The following SGIP1 variants were observed in gnomAD, a reference collection of about 807,000 sequenced individuals.
SGIP1 encodes SH3-containing GRB2-like protein 3-interacting protein 1.
In SGIP1, 38 loss-of-function variants were observed where a neutral mutation model predicts 107.5. The ratio of observed to expected loss-of-function variants is 0.35; its 90% CI spans 0.27 to 0.46. The LOEUF (loss-of-function observed/expected upper bound fraction) is 0.46, where lower values mean the gene tolerates loss of function less well. Among genes scored for constraint, SGIP1 ranks in the 20% least tolerant of loss-of-function variants. The pLI is 1.00. For synonymous variants in SGIP1, 365 were observed against 366.1 expected, an observed-to-expected ratio of 1.00 and a Z score of 0.03; for missense variants, 929 against 1,019.5, an observed-to-expected ratio of 0.91 and a Z score of 1.21.
intron 15 of SGIP1, among the ~76,000 whole-genome samples, chr1:66,688,124 G>C (rs560757421): frequency 1.3e-5 from 2 of 152,156 alleles, no homozygotes; most frequent in East Asian, 3.9e-4. Flanking sequence ...GGCAGGTGTG[G>C]GGGATGAAGT....
intron 1 of SGIP1, among the ~76,000 whole-genome samples, chr1:66,571,780 T>A (rs1230040143): frequency 1.3e-5 from 2 of 151,990 alleles, no homozygotes; most frequent in Non-Finnish European, 2.9e-5. Context: ...GATTCTTCCT[T>A]GCTTAACATT....
intron 1 of SGIP1, among the ~76,000 whole-genome samples, chr1:66,549,497 G>C (rs2057061952): frequency 6.6e-6 from 1 of 152,154 alleles, no homozygotes; most frequent in Admixed American, 6.6e-5. Context: ...ACCTGGTAAG[G>C]TGAGAGTAAG....
At chr1:66,536,048 A>G (rs1557805263) in intron 1 of SGIP1, among the ~76,000 whole-genome samples, 1 of 152,230 alleles carries the variant, frequency 6.6e-6, no homozygotes, top group Non-Finnish European at 1.5e-5. Flanking sequence ...TTTGATGCTC[A>G]TGAATGATTC....
intron 1 of SGIP1, among the ~76,000 whole-genome samples, chr1:66,537,004 A>T (rs1485368433): frequency 6.6e-6 from 1 of 152,162 alleles, no homozygotes; most frequent in Non-Finnish European, 1.5e-5. Context: ...GTGGAACAGG[A>T]TATAGGCTCC....
rs1364832227 is a variant in SGIP1, at chr1:66,660,437, A to T, written c.460-76A>T. On this transcript the variant is annotated intron_variant, in intron 7 of 24. Coordinates refer to ENST00000371037, the MANE Select transcript of SGIP1 (RefSeq NM_032291.4). ...TTAAGTAAGGTTATCCTGAACCTTG[A>T]CCTGTTTCTTCTTGAAAATACATTT... 7 of 1,386,480 alleles carry T rather than the reference A, an allele frequency of 5.0e-6. No individual in the cohort carries two copies. The East Asian group carries it at 1.4e-4, about 27-fold the overall frequency. 85.9% of individuals were successfully genotyped at this position (1,386,480 alleles called of 1,614,324 possible).
intron 21 of SGIP1, among the ~76,000 whole-genome samples, chr1:66,735,139 C>T (rs1331541588): frequency 2.0e-5 from 3 of 152,130 alleles, no homozygotes; most frequent in African/African-American, 7.2e-5. Flanking sequence ...CTACCTCAGC[C>T]TCTGGTAACC....
chr1:66,619,687 T>C (rs2070429584), intron 1 of SGIP1, among the ~76,000 whole-genome samples: 1 of 152,190 alleles, frequency 6.6e-6, no homozygotes. Context: ...TTGGCAGGAC[T>C]CTCCACTTAC....
intron 8 of SGIP1, among the ~76,000 whole-genome samples, chr1:66,663,514 G>A (rs754326517): frequency 3.3e-5 from 5 of 152,036 alleles, no homozygotes; most frequent in South Asian, 2.1e-4. Context: ...TTTGCTCTTC[G>A]GTGGTGGTAA....
chr1:66,707,722 GA>G (rs1480954073), intron 18 of SGIP1, among the ~76,000 whole-genome samples: 1 of 152,136 alleles, frequency 6.6e-6, no homozygotes, highest in African/African-American at 2.4e-5. Context: ...TTTTCCAAGA[GA>G]GTTGATGAGT....
chr1:66,661,171 T>A (rs2081392485), intron 8 of SGIP1, among the ~76,000 whole-genome samples: 1 of 152,180 alleles, frequency 6.6e-6, no homozygotes. Context: ...GAGGAACAGA[T>A]TTCAAAAAAT....
In SGIP1 at chr1:66,748,969, A is replaced by C. The variant is rs1410520607; in HGVS notation, c.*5874A>C. 6.6e-6 allele frequency among the ~76,000 whole-genome samples: 1 copy of C among 151,966 alleles called. No homozygotes were observed. Among genetic ancestry groups the C allele is most frequent in the Non-Finnish European group, 1.5e-5 (1 of 67,858 alleles). Reference sequence around the variant, plus strand: ...TTAACACTAGTTTATATATCCTTCAATAATTGTAAATAAAATAACCAGGAA... The same window carrying C: ...TTAACACTAGTTTATATATCCTTCACTAATTGTAAATAAAATAACCAGGAA... On this transcript the variant is annotated 3_prime_UTR_variant, in exon 25 of 25. Coordinates refer to ENST00000371037, the MANE Select transcript of SGIP1 (RefSeq NM_032291.4).
At chr1:66,635,242 A>G (rs2075550738) in intron 3 of SGIP1, among the ~76,000 whole-genome samples, 1 of 152,234 alleles carries the variant, frequency 6.6e-6, no homozygotes, top group African/African-American at 2.4e-5. Context: ...GCATGCATGA[A>G]GGTGGGCCTT....
chr1:66,658,555 A>G (rs2080246002), intron 7 of SGIP1, among the ~76,000 whole-genome samples: 1 of 152,214 alleles, frequency 6.6e-6, no homozygotes, highest in Non-Finnish European at 1.5e-5. Flanking sequence ...TGTGCTTCAA[A>G]CATTTGTATA....
intron 1 of SGIP1, among the ~76,000 whole-genome samples, chr1:66,571,248 GTT>G (rs2060337848): frequency 6.6e-6 from 1 of 151,942 alleles, no homozygotes; most frequent in African/African-American, 2.4e-5. Flanking sequence ...ATTACATCAG[GTT>G]TCTCCAGTAA....
chr1:66,549,137 G>GCCTGCCTTCCTGCCTTCCTT (rs1051893057), intron 1 of SGIP1, among the ~76,000 whole-genome samples: 118 of 144,512 alleles, frequency 8.2e-4, no homozygotes, highest in African/African-American at 2.7e-3. Context: ...CTGGCTACCT[G>GCCTGCCTTCCTGCCTTCCTT]CCTTCCTTCC....
rs1232749439 is a variant in SGIP1 at position 66,748,229 on chromosome 1, G to A, written c.*5134G>A. On this transcript the variant is annotated 3_prime_UTR_variant, in exon 25 of 25. Transcript: ENST00000371037. ...CCATTAATGTTCCTTTTTGTCAGTGGAGTGTATGGAAGGAAAATGAGATAG... is the reference window on the plus strand; with the variant it reads ...CCATTAATGTTCCTTTTTGTCAGTGAAGTGTATGGAAGGAAAATGAGATAG... 2 of 151,876 alleles carry A rather than the reference G, an allele frequency of 1.3e-5. No homozygotes were observed. The highest frequency in any genetic ancestry group is 1.5e-5 in the Non-Finnish European group (1 of 67,844). 9.4% of individuals were successfully genotyped at this position (151,876 alleles called of 1,614,324 possible).
intron 2 of SGIP1, among the ~76,000 whole-genome samples, chr1:66,630,872 A>AG (rs2074261344): frequency 1.8e-5 from 1 of 57,046 alleles, no homozygotes; most frequent in South Asian, 1.4e-3. Flanking sequence ...AGAAAGAAAG[A>AG]AAGAAAGAAA....
At chr1:66,692,317 T>TA (rs954339262) in intron 17 of SGIP1, among the ~76,000 whole-genome samples, 58 of 149,352 alleles carry the variant, frequency 3.9e-4, no homozygotes, top group African/African-American at 1.0e-3. Context: ...AGAGTGGGAT[T>TA]AAAAAAAAAA....
intron 17 of SGIP1, among the ~76,000 whole-genome samples, chr1:66,691,330 G>A (rs2150111454): frequency 6.6e-6 from 1 of 152,286 alleles, no homozygotes. Context: ...CTCTTCTGGA[G>A]AAAGAACTGC....
Sources: allele counts gnomAD v4.1 joint callset (sites outside exome capture counted in the v4.1 genomes callset), GRCh38; gene constraint gnomAD v4.1.1; transcripts MANE v1.5; gene names NCBI Gene and HGNC (gene_info 2026-07-23, HGNC 2026-07-21).